The following PCDHGA3 variants were observed in gnomAD, a reference collection of about 807,000 sequenced individuals.
PCDHGA3 encodes protocadherin gamma subfamily A, 3, also known as protocadherin gamma-A3.
Under a neutral mutation model 58.5 loss-of-function variants are expected in PCDHGA3, and 40 were observed. That is an observed-to-expected ratio of 0.68 (90% confidence interval 0.53 to 0.89). PCDHGA3 has a LOEUF of 0.89. Among genes scored for constraint, PCDHGA3 ranks in the 40% least tolerant of loss-of-function variants. The pLI, the probability that PCDHGA3 is intolerant of heterozygous loss-of-function variation, is 0.00. For missense variants in PCDHGA3, 1,223 were observed against 1,195.9 expected, an observed-to-expected ratio of 1.02 and a Z score of -0.33; for synonymous variants, 530 against 525.7, an observed-to-expected ratio of 1.01 and a Z score of -0.11.
rs758420424 is a variant in PCDHGA3 at position 141,345,183 on chromosome 5, GT to G, written c.1155del (p.Phe385LeufsTer10). 1 of 1,614,026 alleles carries G rather than the reference GT, an allele frequency of 6.2e-7. No individual in the cohort carries two copies. On this transcript the variant is annotated frameshift_variant, in exon 1 of 4. Coordinates refer to ENST00000253812, the MANE Select transcript of PCDHGA3 (RefSeq NM_018916.4). LOFTEE classifies it high-confidence loss of function. ...RDSGQNGQVEVFVLGNLPFKL... is the reference protein window; with the variant it reads ...RDSGQNGQVEXFVLGNLPFKL... Reference sequence around the variant, plus strand: ...TTCTGGGCAGAATGGGCAGGTTGAAGTTTTTGTCCTGGGAAATCTGCCATTT... The same window carrying G: ...TTCTGGGCAGAATGGGCAGGTTGAAGTTTTGTCCTGGGAAATCTGCCATTT...
chr5:141,421,530 C>A, intron 1 of PCDHGA3: 1 of 1,614,040 alleles, frequency 6.2e-7, no homozygotes, highest in Non-Finnish European at 8.5e-7. Context: ...AGACGGTGTC[C>A]TCCTGTTTTT....
chr5:141,446,558 T>G (rs1413501675), intron 1 of PCDHGA3, among the ~76,000 whole-genome samples: 3 of 151,788 alleles, frequency 2.0e-5, no homozygotes, highest in Non-Finnish European at 1.5e-5. Flanking sequence ...CTCACTGCAA[T>G]CTCTGCCTCC....
chr5:141,425,695 T>C (rs1329762653), intron 1 of PCDHGA3, among the ~76,000 whole-genome samples: 1 of 152,232 alleles, frequency 6.6e-6, no homozygotes, highest in Non-Finnish European at 1.5e-5. Context: ...TATCATTTCA[T>C]AGTGGTCAAA....
intron 1 of PCDHGA3, chr5:141,367,368 TCTA>T (rs1266563786): frequency 1.3e-5 from 2 of 151,884 alleles, no homozygotes; most frequent in Non-Finnish European, 2.9e-5. Flanking sequence ...GAAACCCTGT[TCTA>T]CTAAAAATAC....
At chr5:141,372,202 G>T (rs765463778) in intron 1 of PCDHGA3, 2 of 1,613,574 alleles carry the variant, frequency 1.2e-6, no homozygotes, top group South Asian at 2.2e-5. Flanking sequence ...TACAACGCCT[G>T]GCTGTCCTAC....
At chr5:141,349,995 T>TA (rs2149754932) in intron 1 of PCDHGA3, 1 of 330,098 alleles carries the variant, frequency 3.0e-6, no homozygotes, top group African/African-American at 2.1e-5. Context: ...GCTTTGAGGA[T>TA]AAAAAGCTGG....
At chr5:141,365,429 G>T (rs781264093) in intron 1 of PCDHGA3, 7 of 1,613,990 alleles carry the variant, frequency 4.3e-6, no homozygotes, top group Non-Finnish European at 4.2e-6. Flanking sequence ...AACTGTAATC[G>T]CGCTGTTTAG....
chr5:141,421,054 A>C, intron 1 of PCDHGA3: 2 of 571,978 alleles, frequency 3.5e-6, no homozygotes, highest in Non-Finnish European at 6.0e-6. Context: ...CGCCTCTACC[A>C]CACAAAGCGG....
At position 141,399,943 on chromosome 5, in the gene PCDHGA3, C is replaced by A. The variant is rs1334013330; in HGVS notation, c.2424+53486C>A. On this transcript the variant is annotated intron_variant, in intron 1 of 3. Coordinates refer to ENST00000253812, the MANE Select transcript of PCDHGA3 (RefSeq NM_018916.4). Reference sequence around the variant, plus strand: ...CGCCTGGCTGTCCTACCACGTGCTGCAGGCTAGCGAGCCCGGGCTCTTCAG... The same window carrying A: ...CGCCTGGCTGTCCTACCACGTGCTGAAGGCTAGCGAGCCCGGGCTCTTCAG... The A allele has an allele frequency of 3.7e-6, 6 of 1,612,294 alleles. 1 individual carries two copies. The Admixed American group carries it at 1.0e-4, about 27-fold the overall frequency.
intron 1 of PCDHGA3, among the ~76,000 whole-genome samples, chr5:141,397,814 C>G (rs1325713795): frequency 6.6e-6 from 1 of 152,200 alleles, no homozygotes; most frequent in Non-Finnish European, 1.5e-5. Flanking sequence ...CACACAAAAA[C>G]AATTACTGCA....
chr5:141,394,535 C>T, intron 1 of PCDHGA3: 1 of 1,614,210 alleles, frequency 6.2e-7, no homozygotes, highest in Non-Finnish European at 8.5e-7. Flanking sequence ...GTTCCACTGG[C>T]GTGGAGCTGG....
Position 141,511,072 on chromosome 5 carries a change from A to C in PCDHGA3, c.2698A>C (p.Ser900Arg). The C allele has an allele frequency of 6.2e-7, 1 of 1,614,252 alleles. No individual in the cohort carries two copies. Among genetic ancestry groups the C allele is most frequent in the Non-Finnish European group, 8.5e-7 (1 of 1,180,034 alleles). Residue 900 changes from serine to arginine, a missense_variant, in exon 4 of 4, where the codon AGC (serine) becomes CGC (arginine). Ser to Arg is a moderately radical substitution (Grantham distance 110). This residue lies in a region of PCDHGA3 where 325 missense variants were observed against 327.5 expected (regional missense o/e 0.99). Coordinates refer to ENST00000253812, the MANE Select transcript of PCDHGA3 (RefSeq NM_018916.4). ...CCGCCAGAATGTCTACATCCCAGGC[A>C]GCAATGCCACACTGACCAACGCAGC... ...DYRQNVYIPG[S>R]NATLTNAAGK...
intron 1 of PCDHGA3, among the ~76,000 whole-genome samples, chr5:141,349,841 T>C (rs1467233687): frequency 6.6e-6 from 1 of 152,216 alleles, no homozygotes; most frequent in Non-Finnish European, 1.5e-5. Flanking sequence ...CCTTGTGAAT[T>C]TTTTAAATGA....
chr5:141,400,657 T>G (rs2094057580), intron 1 of PCDHGA3: 1 of 1,081,498 alleles, frequency 9.2e-7, no homozygotes, highest in African/African-American at 1.6e-5. Context: ...TGTCCTACCA[T>G]TCTTTAAGAG....
At chr5:141,359,042 C>T (rs1351620188) in intron 1 of PCDHGA3, among the ~76,000 whole-genome samples, 1 of 152,190 alleles carries the variant, frequency 6.6e-6, no homozygotes, top group Admixed American at 6.5e-5. Flanking sequence ...TAGTGATAGA[C>T]TGTGGAATAT....
In PCDHGA3 at chr5:141,493,468, T is replaced by C. The variant is rs960204561; in HGVS notation, c.2425-1339T>C. On this transcript the variant is annotated intron_variant, in intron 1 of 3. Transcript: ENST00000253812. The surrounding 1 kb of genome is among the most constrained non-coding windows in gnomAD (Gnocchi z 4.3). ...TGGGGTTCCTTCCCTTTTAGGACCT[T>C]ACATGTGGGGAAAGTCTTCTGTGGC... Among the ~76,000 whole-genome samples the C allele has an allele frequency of 4.6e-5, 7 of 152,144 alleles. No individual in the cohort carries two copies. Among genetic ancestry groups the C allele is most frequent in the African/African-American group, 1.4e-4 (6 of 41,426 alleles).
rs374191427 is a variant in PCDHGA3 at position 141,419,804 on chromosome 5, G to A, written c.2424+73347G>A. ...GCGCCTGCTAGTCGCTGTAAGAGAT[G>A]GAGGACAGCCACCCCTTTCAGCCAC... On this transcript the variant is annotated intron_variant, in intron 1 of 3. Coordinates refer to ENST00000253812, the MANE Select transcript of PCDHGA3 (RefSeq NM_018916.4). The A allele has an allele frequency of 2.8e-5, 45 of 1,613,946 alleles. No homozygotes were observed. The highest frequency in any genetic ancestry group is 1.6e-4 in the Middle Eastern group (1 of 6,082).
chr5:141,431,901 A>G lies in PCDHGA3; in HGVS notation c.2425-62906A>G, dbSNP rs1373642371. 5.0e-6 allele frequency: 8 copies of G among 1,613,872 alleles called. No homozygotes were observed. The highest frequency in any genetic ancestry group is 1.6e-4 in the Middle Eastern group (1 of 6,062). On this transcript the variant is annotated intron_variant, in intron 1 of 3. Coordinates refer to ENST00000253812, the MANE Select transcript of PCDHGA3 (RefSeq NM_018916.4). This position sits in a 1 kb window ranked among gnomAD's most constrained non-coding sequence, Gnocchi z 4.8. Reference sequence around the variant, plus strand: ...GACCAAGATTCTGAGGAAAACGGACAGGTGATCTGTTTCATCCAAGGAAAT... The same window carrying G: ...GACCAAGATTCTGAGGAAAACGGACGGGTGATCTGTTTCATCCAAGGAAAT...
Position 141,490,888 on chromosome 5 carries a change from C to G in PCDHGA3, c.2425-3919C>G. The G allele has an allele frequency of 1.2e-6, 2 of 1,613,358 alleles. No individual in the cohort carries two copies. The highest frequency in any genetic ancestry group is 1.7e-6 in the Non-Finnish European group (2 of 1,179,390). On this transcript the variant is annotated intron_variant, in intron 1 of 3. Transcript: ENST00000253812. This position sits in a 1 kb window ranked among gnomAD's most constrained non-coding sequence, Gnocchi z 5.4. Reference sequence around the variant, plus strand: ...TCCCCCATTGCATGCCAACACATCTCTGCATGTGTTTGTCCTAGACGAGAA... The same window carrying G: ...TCCCCCATTGCATGCCAACACATCTGTGCATGTGTTTGTCCTAGACGAGAA...
Sources: allele counts gnomAD v4.1 joint callset (sites outside exome capture counted in the v4.1 genomes callset), GRCh38; gene constraint gnomAD v4.1.1; regional missense constraint gnomAD v4.1.1; non-coding constraint Gnocchi (gnomAD v3.1); transcripts MANE v1.5; gene names NCBI Gene and HGNC (gene_info 2026-07-23, HGNC 2026-07-21).